The following ARHGEF10L variants were observed in gnomAD, a reference collection of about 807,000 sequenced individuals.
ARHGEF10L encodes the protein Rho guanine nucleotide exchange factor 10 like, also known as rho guanine nucleotide exchange factor 10-like protein.
ARHGEF10L carries 69 observed loss-of-function variants against 141.2 expected under a neutral mutation model. That is an observed-to-expected ratio of 0.49 (90% CI 0.40 to 0.60). The LOEUF is 0.60. ARHGEF10L is among the 20% of genes least tolerant of loss of function. The probability of loss-of-function intolerance (pLI) is 0.00; values close to 1 mark genes in which losing one functional copy is unlikely to be tolerated. For missense variants in ARHGEF10L, 1,482 were observed against 1,734.3 expected (o/e 0.85, Z 2.58); for synonymous variants, 711 against 718.5 (o/e 0.99, Z 0.17).
At chr1:17,670,564 C>T (rs2063260591) in intron 26 of ARHGEF10L, among the ~76,000 whole-genome samples, 5 of 152,266 alleles carry the variant, frequency 3.3e-5, no homozygotes, top group Admixed American at 2.0e-4. Flanking sequence ...GCCTGCGGCA[C>T]ATGAGGTGTG....
intron 1 of ARHGEF10L, among the ~76,000 whole-genome samples, chr1:17,554,591 T>A (rs2077236048): frequency 6.9e-6 from 1 of 145,864 alleles, no homozygotes; most frequent in South Asian, 2.3e-4. Context: ...TCCTTTTTTT[T>A]TTTTTTTTTT....
chr1:17,583,649 C>T (rs560726786), intron 2 of ARHGEF10L, among the ~76,000 whole-genome samples: 13 of 152,060 alleles, frequency 8.5e-5, no homozygotes, highest in African/African-American at 2.4e-4. Flanking sequence ...CCAGGTGGCC[C>T]GACTCTAGAA....
chr1:17,557,884 T>C (rs187489732), intron 1 of ARHGEF10L, among the ~76,000 whole-genome samples: 159 of 152,238 alleles, frequency 1.0e-3, no homozygotes, highest in African/African-American at 3.4e-3. Context: ...ACTAAATACT[T>C]GGGGTAAAGC....
At chr1:17,694,661 A>AGGGGC (rs2065354068) in intron 27 of ARHGEF10L, 3 of 334,470 alleles carry the variant, frequency 9.0e-6, no homozygotes, top group African/African-American at 6.6e-5. Context: ...GCAGGCCCTG[A>AGGGGC]GGGGCTGCAG....
intron 1 of ARHGEF10L, among the ~76,000 whole-genome samples, chr1:17,553,773 A>G (rs2077200726): frequency 6.6e-6 from 1 of 152,208 alleles, no homozygotes; most frequent in Non-Finnish European, 1.5e-5. Flanking sequence ...TGGGCAGCAG[A>G]GTGAGACCCT....
chr1:17,678,437 G>C (rs984007042), intron 26 of ARHGEF10L, among the ~76,000 whole-genome samples: 1 of 47,978 alleles, frequency 2.1e-5, no homozygotes, highest in East Asian at 6.8e-4. Flanking sequence ...TTTTTTTTTT[G>C]AGATGGAGTT....
At chr1:17,691,904 G>A (rs1050856691) in intron 27 of ARHGEF10L, among the ~76,000 whole-genome samples, 8 of 152,124 alleles carry the variant, frequency 5.3e-5, no homozygotes, top group Non-Finnish European at 1.0e-4. Context: ...ATGAGCCAAG[G>A]TACTTGGCCA....
At chr1:17,653,926 G>T (rs1012527457) in intron 22 of ARHGEF10L, among the ~76,000 whole-genome samples, 2 of 152,220 alleles carry the variant, frequency 1.3e-5, no homozygotes, top group African/African-American at 2.4e-5. Flanking sequence ...GTCCAGGGAC[G>T]GCTGGGGCCT....
chr1:17,535,316 T>G (rs1246985112), upstream of ARHGEF10L, among the ~76,000 whole-genome samples: 1 of 152,188 alleles, frequency 6.6e-6, no homozygotes, highest in East Asian at 1.9e-4. Flanking sequence ...ATGTGAGTGA[T>G]GGGCATGGCT....
At chr1:17,669,513 C>T (rs1036658046) in intron 26 of ARHGEF10L, among the ~76,000 whole-genome samples, 2 of 152,174 alleles carry the variant, frequency 1.3e-5, no homozygotes, top group African/African-American at 4.8e-5. Context: ...CAAGGTCACA[C>T]AGCTAGAAGA....
intron 22 of ARHGEF10L, among the ~76,000 whole-genome samples, chr1:17,652,719 A>G (rs1333701261): frequency 6.6e-6 from 1 of 152,140 alleles, no homozygotes; most frequent in Non-Finnish European, 1.5e-5. Context: ...GGTTCAGCGC[A>G]AACCCATTTC....
chr1:17,538,828 T>C (rs751722458), upstream of ARHGEF10L, among the ~76,000 whole-genome samples: 4 of 152,164 alleles, frequency 2.6e-5, no homozygotes, highest in Non-Finnish European at 5.9e-5. Context: ...GAGTAATTGC[T>C]GATAAGCCCG....
rs1031753381 is a variant in ARHGEF10L, at chr1:17,573,234, C to G, written c.-43-7319C>G. Among the ~76,000 whole-genome samples the G allele has an allele frequency of 5.9e-5, 9 of 152,206 alleles. No homozygotes were observed. Among genetic ancestry groups the G allele is most frequent in the African/African-American group, 2.2e-4 (9 of 41,450 alleles). ...TCAGGCTGCCTGCAGCCTAAACACA[C>G]TCTCATGCTAAGTGGCGAGGGCCCA... On this transcript the variant is annotated intron_variant, in intron 1 of 28. Coordinates refer to ENST00000361221, the MANE Select transcript of ARHGEF10L (RefSeq NM_018125.4). This position sits in a 1 kb window ranked among gnomAD's most constrained non-coding sequence, Gnocchi z 4.8.
At chr1:17,635,719 G>A (rs1277723631) in intron 18 of ARHGEF10L, among the ~76,000 whole-genome samples, 5 of 152,188 alleles carry the variant, frequency 3.3e-5, no homozygotes, top group Non-Finnish European at 7.3e-5. Context: ...TGATTGATCG[G>A]TTGATGTCTC....
chr1:17,517,467 G>A, the ARHGEF10L span, among the ~76,000 whole-genome samples: 1 of 151,818 alleles, frequency 6.6e-6, no homozygotes, highest in Non-Finnish European at 1.5e-5. Flanking sequence ...AGGACTACAG[G>A]TGCGTGCCAC....
intron 21 of ARHGEF10L, 44 bp downstream of exon 21, chr1:17,640,346 GGAACGGGGAGGTTTGGGGT>G (rs1195836396): frequency 1.3e-6 from 2 of 1,537,134 alleles, no homozygotes; most frequent in Non-Finnish European, 1.8e-6. Flanking sequence ...GCAGGGGTGT[GGAACGGGGAGGTTTGGGGT>G]GAGTGAGGGT....
At chr1:17,617,688 T>C (rs929221668) in intron 9 of ARHGEF10L, among the ~76,000 whole-genome samples, 1 of 152,248 alleles carries the variant, frequency 6.6e-6, no homozygotes, top group African/African-American at 2.4e-5. Context: ...TGAGAGCCTG[T>C]GTCATCCTAG....
In ARHGEF10L at chr1:17,675,554, C is replaced by T. The variant is rs371602821; in HGVS notation, c.3009+10959C>T. ...GGGTGCAGGTATGGGTGCAGGTGTG[C>T]GTGCAGATGTGTGTGCAGGTGTGGA... On this transcript the variant is annotated intron_variant, in intron 26 of 28. Transcript: ENST00000361221. Among the ~76,000 whole-genome samples the T allele has an allele frequency of 1.5e-3, 179 of 120,066 alleles. 4 individuals are homozygous for T. The South Asian group carries it at 0.021, about 14-fold the overall frequency. The allele number at this position is 120,066 out of a possible 152,430, so 78.8% of individuals were successfully genotyped here.
chr1:17,555,363 A>G (rs1225573383), intron 1 of ARHGEF10L, among the ~76,000 whole-genome samples: 1 of 151,452 alleles, frequency 6.6e-6, no homozygotes, highest in East Asian at 1.9e-4. Flanking sequence ...GGACTGTTTA[A>G]ACTACTTTTT....
Sources: allele counts gnomAD v4.1 joint callset (sites outside exome capture counted in the v4.1 genomes callset), GRCh38; gene constraint gnomAD v4.1.1; non-coding constraint Gnocchi (gnomAD v3.1); transcripts MANE v1.5; gene names NCBI Gene and HGNC (gene_info 2026-07-23, HGNC 2026-07-21).